Variants in CAST observed in about 807,000 individuals in gnomAD.
CAST encodes MIR583 host.
CAST carries 76 observed loss-of-function variants against 119.6 expected under a neutral mutation model. The ratio of observed to expected loss-of-function variants is 0.64; its 90% CI spans 0.53 to 0.77. The LOEUF (loss-of-function observed/expected upper bound fraction) is 0.77. CAST is among the 30% of genes least tolerant of loss of function. The probability of loss-of-function intolerance (pLI) is 0.00; values close to 1 mark genes in which losing one functional copy is unlikely to be tolerated. For missense variants in CAST, 953 were observed against 946.5 expected (o/e 1.01, Z -0.09); for synonymous variants, 319 against 331.6 (o/e 0.96, Z 0.41).
chr5:96,499,040 A>G, the CAST span, among the ~76,000 whole-genome samples: 1 of 151,958 alleles, frequency 6.6e-6, no homozygotes, highest in African/African-American at 2.4e-5. Flanking sequence ...AAAAAAAAAA[A>G]AAAAGAAAAA....
the CAST span, among the ~76,000 whole-genome samples, chr5:96,154,252 TG>T: frequency 7.7e-3 from 1,168 of 151,150 alleles, 18 homozygotes; most frequent in African/African-American, 0.027. Context: ...CACTCCAGCC[TG>T]GGTGACAGAG....
intron 2 of CAST, among the ~76,000 whole-genome samples, chr5:96,684,670 C>T (rs1751847105): frequency 6.6e-6 from 1 of 151,592 alleles, no homozygotes; most frequent in Admixed American, 6.6e-5. Context: ...TCAAGCGATT[C>T]TCCTGCCTTA....
At chr5:96,359,165 T>C in the CAST span, among the ~76,000 whole-genome samples, 1 of 152,218 alleles carries the variant, frequency 6.6e-6, no homozygotes. Context: ...ACCCCTGCTT[T>C]TTCTTGCTTT....
intron 1 of CAST, among the ~76,000 whole-genome samples, chr5:96,602,045 G>A (rs1244632411): frequency 6.6e-6 from 1 of 152,178 alleles, no homozygotes; most frequent in Non-Finnish European, 1.5e-5. Context: ...CTCTGTGAGA[G>A]GTGACTAGAC....
At chr5:96,057,099 A>G in the CAST span, among the ~76,000 whole-genome samples, 3 of 152,190 alleles carry the variant, frequency 2.0e-5, no homozygotes, top group Non-Finnish European at 4.4e-5. Flanking sequence ...CTATAGAAAC[A>G]CTATAGCTGA....
At chr5:96,466,917 AC>A in the CAST span, among the ~76,000 whole-genome samples, 1 of 152,130 alleles carries the variant, frequency 6.6e-6, no homozygotes, top group African/African-American at 2.4e-5. Context: ...GAAATGATCA[AC>A]TTCTCTTAGA....
intron 1 of CAST, among the ~76,000 whole-genome samples, chr5:96,617,639 A>C (rs979903210): frequency 1.3e-5 from 2 of 151,834 alleles, no homozygotes; most frequent in African/African-American, 4.8e-5. Context: ...AATACAAAAA[A>C]AAATTAGCCA....
the CAST span, among the ~76,000 whole-genome samples, chr5:96,472,222 C>G: frequency 6.4e-4 from 97 of 152,252 alleles, 4 homozygotes; most frequent in East Asian, 9.8e-3. Flanking sequence ...AGATAAGATA[C>G]ACACAATTGT....
chr5:96,528,386 T>C (rs1745632013), upstream of CAST, among the ~76,000 whole-genome samples: 1 of 152,204 alleles, frequency 6.6e-6, no homozygotes, highest in East Asian at 1.9e-4. Context: ...TAGTCACCTC[T>C]CCAGGCAACC....
chr5:96,349,742 T>C, the CAST span, among the ~76,000 whole-genome samples: 2 of 152,148 alleles, frequency 1.3e-5, no homozygotes, highest in Admixed American at 6.6e-5. Flanking sequence ...CTGGACATTA[T>C]TTTGTAAGTG....
At chr5:96,276,557 C>T in the CAST span, among the ~76,000 whole-genome samples, 36 of 152,176 alleles carry the variant, frequency 2.4e-4, no homozygotes, top group Non-Finnish European at 4.7e-4. Flanking sequence ...CTGTCTGTAG[C>T]AGAGATCAGA....
the CAST span, among the ~76,000 whole-genome samples, chr5:96,013,444 A>T: frequency 3.9e-5 from 6 of 152,108 alleles, no homozygotes; most frequent in African/African-American, 1.2e-4. Context: ...TCATAGCTGC[A>T]TAGTACTCCA....
chr5:96,749,999 G>T (rs545297023), intron 19 of CAST, among the ~76,000 whole-genome samples: 3 of 152,092 alleles, frequency 2.0e-5, no homozygotes, highest in Non-Finnish European at 4.4e-5. Flanking sequence ...CTAAGAATCC[G>T]CATTTCTAGG....
the CAST span, among the ~76,000 whole-genome samples, chr5:95,999,168 C>T: frequency 2.0e-5 from 3 of 152,098 alleles, no homozygotes; most frequent in African/African-American, 7.2e-5. Flanking sequence ...CAGGCAACTA[C>T]TAACCTACTT....
chr5:96,624,937 CA>C (rs1380902983), intron 1 of CAST, among the ~76,000 whole-genome samples: 1 of 152,176 alleles, frequency 6.6e-6, no homozygotes, highest in African/African-American at 2.4e-5. Context: ...CACGTGGATT[CA>C]AGTAAGTGTC....
At chr5:96,601,880 T>A (rs1439046480) in intron 1 of CAST, among the ~76,000 whole-genome samples, 1 of 152,240 alleles carries the variant, frequency 6.6e-6, no homozygotes, top group Non-Finnish European at 1.5e-5. Flanking sequence ...TAATTGCTCC[T>A]GGTGTATCCA....
chr5:96,674,567 T>G (rs1358639311), intron 1 of CAST, among the ~76,000 whole-genome samples: 1 of 152,176 alleles, frequency 6.6e-6, no homozygotes, highest in African/African-American at 2.4e-5. Flanking sequence ...CATACAACTA[T>G]TTTTTCATTT....
the CAST span, among the ~76,000 whole-genome samples, chr5:96,166,152 T>C: frequency 5.9e-5 from 9 of 152,278 alleles, no homozygotes; most frequent in African/African-American, 2.2e-4. Context: ...GTCCACAGTG[T>C]TTCCCCCCTG....
chr5:96,033,362 G>T, the CAST span, among the ~76,000 whole-genome samples: 10 of 152,072 alleles, frequency 6.6e-5, no homozygotes, highest in African/African-American at 9.7e-5. Flanking sequence ...AACAAAAAGT[G>T]TAGAGGTAGA....
Sources: allele counts gnomAD v4.1 joint callset (sites outside exome capture counted in the v4.1 genomes callset), GRCh38; gene constraint gnomAD v4.1.1; transcripts MANE v1.5; gene names NCBI Gene and HGNC (gene_info 2026-07-23, HGNC 2026-07-21).